PLCXD3: variants seen among roughly 807,000 people sequenced by gnomAD.
The protein encoded by PLCXD3 is phosphatidylinositol specific phospholipase C X domain containing 3.
A neutral mutation model predicts 25.5 loss-of-function variants in PLCXD3; 19 were observed. The observed-to-expected ratio is 0.75, with a 90% CI of 0.52 to 1.09. The LOEUF (loss-of-function observed/expected upper bound fraction) is 1.09, where lower values mean the gene tolerates loss of function less well. Ranked by LOEUF, PLCXD3 falls within the 50% of genes least tolerant of loss-of-function variation. The pLI is 0.00. For synonymous variants in PLCXD3, 174 were observed against 137.6 expected, an observed-to-expected ratio of 1.26 and a Z score of -1.85; for missense variants, 411 against 388.1, an observed-to-expected ratio of 1.06 and a Z score of -0.50.
intron 1 of PLCXD3, among the ~76,000 whole-genome samples, chr5:41,434,248 T>G (rs1747183127): frequency 6.6e-6 from 1 of 152,234 alleles, no homozygotes; most frequent in Admixed American, 6.5e-5. Context: ...CGTGTGATTT[T>G]GGCCAAGTCA....
intron 1 of PLCXD3, among the ~76,000 whole-genome samples, chr5:41,492,835 AC>A (rs1434725338): frequency 7.2e-5 from 11 of 152,144 alleles, no homozygotes; most frequent in African/African-American, 2.6e-4. Context: ...ATTCTTCTAA[AC>A]TTTTTCCAAA....
In PLCXD3 at chr5:41,440,257, G is replaced by A. The variant is rs940367382; in HGVS notation, c.104-57723C>T. ...TTTTTTTTTTTTTTTTTTTTAGTCAGAGTCTCACTGTGTCACCCAGGCTGG... is the reference window on the plus strand; with the variant it reads ...TTTTTTTTTTTTTTTTTTTTAGTCAAAGTCTCACTGTGTCACCCAGGCTGG... On this transcript the variant is annotated intron_variant, in intron 1 of 2. Transcript: ENST00000377801. Among the ~76,000 whole-genome samples, 6 of 52,452 alleles carry A rather than the reference G, an allele frequency of 1.1e-4. 1 individual carries two copies. The highest frequency in any genetic ancestry group is 5.3e-4 in the African/African-American group (6 of 11,338). The allele number at this position is 52,452 out of a possible 152,430, so 34.4% of individuals were successfully genotyped here.
chr5:41,424,282 G>C (rs529408076), intron 1 of PLCXD3, among the ~76,000 whole-genome samples: 121 of 152,196 alleles, frequency 8.0e-4, no homozygotes, highest in African/African-American at 2.7e-3. Context: ...GGTGGCTCAC[G>C]CCTGTAATCC....
intron 1 of PLCXD3, among the ~76,000 whole-genome samples, chr5:41,414,171 C>T (rs1403763478): frequency 3.3e-5 from 5 of 152,110 alleles, no homozygotes; most frequent in Non-Finnish European, 7.4e-5. Context: ...ACTTGTCTGT[C>T]TTGGCCTTAG....
At chr5:41,471,999 C>T (rs1470622461) in intron 1 of PLCXD3, among the ~76,000 whole-genome samples, 1 of 140,060 alleles carries the variant, frequency 7.1e-6, no homozygotes, top group Non-Finnish European at 1.5e-5. Context: ...TCCTCCCTCC[C>T]TTTCTTCCTT....
chr5:41,508,436 C>T (rs1326766659), intron 1 of PLCXD3, among the ~76,000 whole-genome samples: 1 of 152,124 alleles, frequency 6.6e-6, no homozygotes, highest in Non-Finnish European at 1.5e-5. Flanking sequence ...GGGTCAGATC[C>T]CTGAACTGAT....
Position 41,483,654 on chromosome 5 carries a change from G to C in PLCXD3, c.103+26770C>G, listed in dbSNP as rs1748459996. ...GACAGTGATGGCTGTACAACAATGTGAATGTACATAATGCCACTGACCTGC... is the reference window on the plus strand; with the variant it reads ...GACAGTGATGGCTGTACAACAATGTCAATGTACATAATGCCACTGACCTGC... On this transcript the variant is annotated intron_variant, in intron 1 of 2. Coordinates refer to ENST00000377801, the MANE Select transcript of PLCXD3 (RefSeq NM_001005473.3). Among the ~76,000 whole-genome samples, 4 of 152,150 alleles carry C rather than the reference G, an allele frequency of 2.6e-5. No individual in the cohort carries two copies. The South Asian group carries it at 8.3e-4, about 32-fold the overall frequency.
At chr5:41,488,386 C>A (rs1250023608) in intron 1 of PLCXD3, among the ~76,000 whole-genome samples, 2 of 131,374 alleles carry the variant, frequency 1.5e-5, no homozygotes, top group Non-Finnish European at 3.2e-5. Flanking sequence ...CTGCAATAAA[C>A]ATACGTGTGC....
At chr5:41,474,717 T>A (rs1748242479) in intron 1 of PLCXD3, among the ~76,000 whole-genome samples, 1 of 152,208 alleles carries the variant, frequency 6.6e-6, no homozygotes, top group Non-Finnish European at 1.5e-5. Flanking sequence ...CCCAAAGATC[T>A]TGTGACATTA....
Position 41,492,751 on chromosome 5 carries a change from G to A in PLCXD3, c.103+17673C>T, listed in dbSNP as rs888740929. ...CTCCTGAGCCTTCTGCATTCTTCAC[G>A]TAGTTCTCGAGCCTTGGCTTTCAGC... On this transcript the variant is annotated intron_variant, in intron 1 of 2. Transcript: ENST00000377801. 7.2e-5 allele frequency among the ~76,000 whole-genome samples: 11 copies of A among 152,222 alleles called. No homozygotes were observed. The East Asian group carries it at 9.6e-4, about 13-fold the overall frequency.
At chr5:41,463,475 C>T (rs1347899392) in intron 1 of PLCXD3, among the ~76,000 whole-genome samples, 1 of 152,048 alleles carries the variant, frequency 6.6e-6, no homozygotes, top group Non-Finnish European at 1.5e-5. Flanking sequence ...ACTACCATCA[C>T]ATTGAGTGTT....
chr5:41,401,135 A>G (rs780332597), intron 1 of PLCXD3, among the ~76,000 whole-genome samples: 1 of 151,996 alleles, frequency 6.6e-6, no homozygotes. Context: ...TCTGGAAACA[A>G]GTATTTTGTT....
chr5:41,320,559 C>T lies in PLCXD3; in HGVS notation c.813-6789G>A, dbSNP rs10071591. Among the ~76,000 whole-genome samples, 117 of 152,300 alleles carry T rather than the reference C, an allele frequency of 7.7e-4. 1 individual carries two copies. Among genetic ancestry groups the T allele is most frequent in the African/African-American group, 2.5e-3 (105 of 41,580 alleles). ...TCGCCCAGACTGGAGTGCAGTGGCG[C>T]GATCTTGGCTCACTGCAAGCTCCAC... On this transcript the variant is annotated intron_variant, in intron 2 of 2. Transcript: ENST00000377801.
intron 2 of PLCXD3, among the ~76,000 whole-genome samples, chr5:41,320,230 G>A (rs1743424592): frequency 6.6e-6 from 1 of 151,974 alleles, no homozygotes; most frequent in Admixed American, 6.6e-5. Context: ...GAAAAATAGA[G>A]GAGGAGGGAA....
intron 1 of PLCXD3, among the ~76,000 whole-genome samples, chr5:41,441,430 TCC>T (rs1747382310): frequency 6.6e-6 from 1 of 152,198 alleles, no homozygotes; most frequent in Non-Finnish European, 1.5e-5. Context: ...AGATTTTTAC[TCC>T]TCTCCTCATT....
At chr5:41,399,722 A>G (rs1415600202) in intron 1 of PLCXD3, among the ~76,000 whole-genome samples, 2 of 152,180 alleles carry the variant, frequency 1.3e-5, no homozygotes, top group East Asian at 3.8e-4. Flanking sequence ...TAAATCTAAG[A>G]CCTAAAACTA....
chr5:41,356,291 A>G (rs532626724), intron 2 of PLCXD3, among the ~76,000 whole-genome samples: 22 of 152,240 alleles, frequency 1.4e-4, no homozygotes, highest in African/African-American at 4.8e-4. Context: ...AAACAAAACC[A>G]TGAACATGTT....
In PLCXD3 at chr5:41,391,597, A is replaced by C. The variant is rs149363921; in HGVS notation, c.104-9063T>G. 8.0e-3 allele frequency among the ~76,000 whole-genome samples: 1,217 copies of C among 152,266 alleles called. 10 individuals carry two copies. Among genetic ancestry groups the C allele is most frequent in the African/African-American group, 0.027 (1,115 of 41,566 alleles). On this transcript the variant is annotated intron_variant, in intron 1 of 2. Coordinates refer to ENST00000377801, the MANE Select transcript of PLCXD3 (RefSeq NM_001005473.3). ...ATCAAGGGCTTTGGGTGAGCCTCTA[A>C]GACTTGCTGGCTTCAGGTGAGTCTC...
At position 41,495,221 on chromosome 5, in the gene PLCXD3, C is replaced by T. The variant is rs536930543; in HGVS notation, c.103+15203G>A. On this transcript the variant is annotated intron_variant, in intron 1 of 2. Coordinates refer to ENST00000377801, the MANE Select transcript of PLCXD3 (RefSeq NM_001005473.3). ...AGAAAGAGGAGACTAGACTGCACGT[C>T]CAACATTCTGACTTTTGGAGAAGCC... Among the ~76,000 whole-genome samples, 16 of 152,318 alleles carry T rather than the reference C, an allele frequency of 1.1e-4. No homozygotes were observed. In the South Asian group the frequency reaches 2.3e-3, roughly 22 times the overall value.
Sources: allele counts gnomAD v4.1 joint callset (sites outside exome capture counted in the v4.1 genomes callset), GRCh38; gene constraint gnomAD v4.1.1; transcripts MANE v1.5; gene names NCBI Gene and HGNC (gene_info 2026-07-23, HGNC 2026-07-21).